GPC1: variants seen among roughly 807,000 people sequenced by gnomAD.
GPC1 encodes the protein glypican 1.
GPC1 carries 26 observed loss-of-function variants against 51.5 expected under a neutral mutation model. That is an observed-to-expected ratio of 0.50 (90% CI 0.37 to 0.70). The LOEUF (loss-of-function observed/expected upper bound fraction) is 0.70, where lower values mean the gene tolerates loss of function less well. Ranked by LOEUF, GPC1 falls within the 30% of genes least tolerant of loss-of-function variation. The probability of loss-of-function intolerance (pLI) is 0.00; values close to 1 mark genes in which losing one functional copy is unlikely to be tolerated. For missense variants in GPC1, 775 were observed against 800.5 expected (o/e 0.97, Z 0.38); for synonymous variants, 380 against 348.3 (o/e 1.09, Z -1.01).
chr2:240,445,925 A>G (rs1298240820), intron 1 of GPC1, among the ~76,000 whole-genome samples: 4 of 152,162 alleles, frequency 2.6e-5, no homozygotes, highest in Non-Finnish European at 5.9e-5. Context: ...GTGCGTTGCC[A>G]CCTCACAATT....
intron 8 of GPC1, 124 bp from the exon 9 acceptor site, chr2:240,465,934 C>CTGCT (rs1244876538): frequency 1.5e-6 from 1 of 649,040 alleles, no homozygotes; most frequent in African/African-American, 1.8e-5. Flanking sequence ...GGATCAGGTG[C>CTGCT]TGCTGGTCCT....
intron 1 of GPC1, among the ~76,000 whole-genome samples, 183 bp downstream of exon 1, chr2:240,436,267 CCCCGCGCCGCACTCCCTCG>C (rs2073983388): frequency 6.6e-6 from 1 of 152,118 alleles, no homozygotes; most frequent in African/African-American, 2.4e-5. Context: ...CGCCTCCAAG[CCCCGCGCCGCACTCCCTCG>C]CCAGGGTCTC....
At chr2:240,463,316 G>T (rs773537725) in intron 3 of GPC1, 31 bp from the exon 4 acceptor site, 5 of 1,605,524 alleles carry the variant, frequency 3.1e-6, no homozygotes, top group Non-Finnish European at 4.3e-6. Context: ...CCAGGGCCTC[G>T]GGGCCTGGCT....
chr2:240,462,585 G>A lies in GPC1; in HGVS notation c.717+3G>A. Reference sequence around the variant, plus strand: ...ACGTGGTCCGGAAAGTGGCTCAGGTGCGCACAGCCACCCAGGGCTCTCAGA... The same window carrying A: ...ACGTGGTCCGGAAAGTGGCTCAGGTACGCACAGCCACCCAGGGCTCTCAGA... On this transcript the variant is annotated splice_donor_region_variant and intron_variant, in intron 3 of 8. Coordinates refer to ENST00000264039, the MANE Select transcript of GPC1 (RefSeq NM_002081.3). 1 of 1,515,266 alleles carries A rather than the reference G, an allele frequency of 6.6e-7. No individual in the cohort carries two copies. The highest frequency in any genetic ancestry group is 8.8e-7 in the Non-Finnish European group (1 of 1,136,352). 93.9% of individuals were successfully genotyped at this position (1,515,266 alleles called of 1,614,324 possible).
At position 240,448,399 on chromosome 2, in the gene GPC1, C is replaced by A. The variant is rs909543539; in HGVS notation, c.167-10631C>A. Among the ~76,000 whole-genome samples, 3 of 125,732 alleles carry A rather than the reference C, an allele frequency of 2.4e-5. No individual in the cohort carries two copies. The highest frequency in any genetic ancestry group is 5.7e-5 in the Non-Finnish European group (3 of 52,592). The allele number at this position is 125,732 out of a possible 152,430, so 82.5% of individuals were successfully genotyped here. ...TGTAGATAGTCCCTGCCAGGCAGTC[C>A]AGGTGTAGACAGTCCCTGCCAGGCA... On this transcript the variant is annotated intron_variant, in intron 1 of 8. Transcript: ENST00000264039. The surrounding 1 kb of genome is among the most constrained non-coding windows in gnomAD (Gnocchi z 4.5).
Position 240,466,741 on chromosome 2 carries a change from G to A in GPC1, c.*451G>A, listed in dbSNP as rs1302608894. On this transcript the variant is annotated 3_prime_UTR_variant, in exon 9 of 9. Transcript: ENST00000264039. ...CCTGGCCCACCCCCCAGCCTCCAGA[G>A]AAGCCCCGCACGGGCTGTCTGGGTG... 1 of 166,276 alleles carries A rather than the reference G, an allele frequency of 6.0e-6. No homozygotes were observed. The highest frequency in any genetic ancestry group is 1.3e-5 in the Non-Finnish European group (1 of 77,898). 10.3% of individuals were successfully genotyped at this position (166,276 alleles called of 1,614,324 possible). A position where few individuals can be genotyped will look rare whatever the true frequency, so the allele number is the denominator to read the frequency against.
In GPC1 at chr2:240,463,613, G is replaced by A. The variant is rs941582934; in HGVS notation, c.883+101G>A. 26 of 1,010,212 alleles carry A rather than the reference G, an allele frequency of 2.6e-5. No individual in the cohort carries two copies. The Middle Eastern group carries it at 1.5e-3, about 59-fold the overall frequency. 62.6% of individuals were successfully genotyped at this position (1,010,212 alleles called of 1,614,324 possible). On this transcript the variant is annotated intron_variant, in intron 4 of 8. Transcript: ENST00000264039. ...TCCCTAGCTTAGAGCTTGGACCCAG[G>A]GACCTGATCAGGGATGCCCTGACCC...
chr2:240,462,195 C>T lies in GPC1; in HGVS notation c.330C>T (p.His110=). 6.3e-7 allele frequency: 1 copy of T among 1,592,326 alleles called. No individual in the cohort carries two copies. Among genetic ancestry groups the T allele is most frequent in the Non-Finnish European group, 8.6e-7 (1 of 1,167,022 alleles). ...LATQLRSFDD[H]FQHLLNDSER... is the part of the protein sequence containing the mutation. ...ACGCCCCCTCCCTGTGCGCAGACCA[C>T]TTCCAGCACCTGCTGAACGACTCGG... Residue 110 remains histidine (H), a synonymous_variant, in exon 3 of 9, where the codon CAC becomes CAT. Coordinates refer to ENST00000264039, the MANE Select transcript of GPC1 (RefSeq NM_002081.3).
At chr2:240,437,353 G>A (rs2073990549) in intron 1 of GPC1, among the ~76,000 whole-genome samples, 1 of 152,168 alleles carries the variant, frequency 6.6e-6, no homozygotes, top group South Asian at 2.1e-4. Flanking sequence ...TGGATCTCCC[G>A]ATGCCCCCAG....
In GPC1 at chr2:240,467,380, C is replaced by T. The variant is rs2074272682; in HGVS notation, c.*1090C>T. On this transcript the variant is annotated 3_prime_UTR_variant, in exon 9 of 9. Coordinates refer to ENST00000264039, the MANE Select transcript of GPC1 (RefSeq NM_002081.3). The stretch of plus-strand genomic sequence containing the variant: ...TTCCAAACATGCATCCATTTACTGA[C>T]ACTTCCTGTCCTTGTTCATGGAGAG... 1.3e-5 allele frequency: 2 copies of T among 152,290 alleles called. No individual in the cohort carries two copies. The highest frequency in any genetic ancestry group is 1.3e-4 in the Admixed American group (2 of 15,288). The allele number at this position is 152,290 out of a possible 1,614,324, so 9.4% of individuals were successfully genotyped here.
chr2:240,462,421 G>A lies in GPC1; in HGVS notation c.556G>A (p.Asp186Asn), dbSNP rs533921420. ...GCTGCACCCCCAGCTGCTGCTGCCT[G>A]ATGACTACCTGGACTGCCTGGGCAA... ...KQLHPQLLLP[D>N]DYLDCLGKQA... Residue 186 changes from aspartate to asparagine, a missense_variant, in exon 3 of 9, where the codon GAT becomes AAT. Physicochemically the swap from Asp to Asn is conservative, Grantham distance 23. Coordinates refer to ENST00000264039, the MANE Select transcript of GPC1 (RefSeq NM_002081.3). The A allele has an allele frequency of 2.1e-5, 34 of 1,604,924 alleles. No homozygotes were observed. The South Asian group carries it at 3.3e-4, about 16-fold the overall frequency.
Position 240,448,290 on chromosome 2 carries a change from G to T in GPC1, c.167-10740G>T, listed in dbSNP as rs1316811586. 2.0e-5 allele frequency among the ~76,000 whole-genome samples: 3 copies of T among 152,070 alleles called. No individual in the cohort carries two copies. Among genetic ancestry groups the T allele is most frequent in the African/African-American group, 7.2e-5 (3 of 41,414 alleles). Reference sequence around the variant, plus strand: ...GCTGTCTGCCTCCTGGATCTCATGTGCCCGCCCCAGGCAGTGTCCCCAACC... The same window carrying T: ...GCTGTCTGCCTCCTGGATCTCATGTTCCCGCCCCAGGCAGTGTCCCCAACC... On this transcript the variant is annotated intron_variant, in intron 1 of 8. Coordinates refer to ENST00000264039, the MANE Select transcript of GPC1 (RefSeq NM_002081.3). The surrounding 1 kb of genome is among the most constrained non-coding windows in gnomAD (Gnocchi z 4.5).
chr2:240,461,404 G>A (rs937799604), intron 2 of GPC1, among the ~76,000 whole-genome samples: 1 of 152,222 alleles, frequency 6.6e-6, no homozygotes, highest in East Asian at 1.9e-4. Flanking sequence ...CCCTAGGGAC[G>A]CTCTGAGCAG....
chr2:240,466,276 C>A lies in GPC1; in HGVS notation c.1663C>A (p.Pro555Thr), dbSNP rs201886628. 49 of 1,593,210 alleles carry A rather than the reference C, an allele frequency of 3.1e-5. No homozygotes were observed. The East Asian group carries it at 9.4e-4, about 31-fold the overall frequency. The change falls in exon 9 of 9, where the codon CCC (proline) becomes ACC (threonine). Residue 555 changes from proline (P) to threonine (T), a missense_variant. Transcript: ENST00000264039. ...CTTCCTGGCCCTTACAGTAGCCAGG[C>A]CCCGGTGGCGGTAACTGCCCCAAGG... ...LLFLALTVARPRWR is the reference protein window; with the variant it reads ...LLFLALTVARTRWR
chr2:240,448,293 C>T lies in GPC1; in HGVS notation c.167-10737C>T, dbSNP rs930260366. On this transcript the variant is annotated intron_variant, in intron 1 of 8. Transcript: ENST00000264039. This position sits in a 1 kb window ranked among gnomAD's most constrained non-coding sequence, Gnocchi z 4.5. Reference sequence around the variant, plus strand: ...GTCTGCCTCCTGGATCTCATGTGCCCGCCCCAGGCAGTGTCCCCAACCTCT... The same window carrying T: ...GTCTGCCTCCTGGATCTCATGTGCCTGCCCCAGGCAGTGTCCCCAACCTCT... 5.9e-5 allele frequency among the ~76,000 whole-genome samples: 9 copies of T among 152,264 alleles called. No homozygotes were observed. Among genetic ancestry groups the T allele is most frequent in the African/African-American group, 1.4e-4 (6 of 41,542 alleles).
chr2:240,464,099 A>G (rs1385844682), intron 4 of GPC1: 2 of 206,588 alleles, frequency 9.7e-6, no homozygotes, highest in African/African-American at 2.3e-5. Flanking sequence ...ATGTGCTGAC[A>G]CGGGGCCAAC....
intron 1 of GPC1, among the ~76,000 whole-genome samples, chr2:240,456,385 G>A (rs557309471): frequency 2.6e-5 from 4 of 152,246 alleles, no homozygotes; most frequent in African/African-American, 7.2e-5. Context: ...GGCGGGGGAC[G>A]CCACCCACCC....
intron 1 of GPC1, chr2:240,450,294 C>G (rs1263927734): frequency 1.5e-5 from 5 of 332,358 alleles, no homozygotes; most frequent in East Asian, 8.3e-5. Context: ...CCTCTCTGGG[C>G]TCAGCAGGGC....
chr2:240,454,296 C>T (rs1030068120), intron 1 of GPC1, among the ~76,000 whole-genome samples: 1 of 152,192 alleles, frequency 6.6e-6, no homozygotes, highest in African/African-American at 2.4e-5. Context: ...AGATCCTCTG[C>T]AGCCTGGGCA....
Sources: gnomAD v4.1 joint callset for allele counts (sites outside exome capture counted in the v4.1 genomes callset) on GRCh38, gnomAD v4.1.1 for gene constraint, Gnocchi (gnomAD v3.1) non-coding constraint, MANE v1.5 for transcripts, NCBI Gene and HGNC (gene_info 2026-07-23, HGNC 2026-07-21) for gene names.